Variants in SPHKAP observed in about 807,000 individuals in gnomAD.
SPHKAP encodes A-kinase anchor protein SPHKAP.
In SPHKAP, 67 loss-of-function variants were observed where a neutral mutation model predicts 137.5. The observed-to-expected ratio is 0.49, with a 90% CI of 0.40 to 0.60. The LOEUF (loss-of-function observed/expected upper bound fraction) is 0.60, where lower values mean the gene tolerates loss of function less well. Ranked by LOEUF, SPHKAP falls within the 20% of genes least tolerant of loss-of-function variation. SPHKAP has a pLI of 0.00. For synonymous variants in SPHKAP, 813 were observed against 785.3 expected, an observed-to-expected ratio of 1.04 and a Z score of -0.59; for missense variants, 2,097 against 2,069.3, an observed-to-expected ratio of 1.01 and a Z score of -0.26.
intron 11 of SPHKAP, among the ~76,000 whole-genome samples, chr2:227,987,203 T>C (rs929781960): frequency 3.3e-5 from 5 of 152,210 alleles, no homozygotes; most frequent in Non-Finnish European, 7.3e-5. Flanking sequence ...CTAGAAGGGA[T>C]CTAGCAATCC....
chr2:228,022,554 T>C (rs1168362994), intron 5 of SPHKAP, among the ~76,000 whole-genome samples: 1 of 152,122 alleles, frequency 6.6e-6, no homozygotes, highest in African/African-American at 2.4e-5. Context: ...ATGATTACAT[T>C]TCAAAGAGAC....
intron 3 of SPHKAP, among the ~76,000 whole-genome samples, chr2:228,047,931 T>G (rs968737269): frequency 6.6e-6 from 1 of 152,160 alleles, no homozygotes; most frequent in Non-Finnish European, 1.5e-5. Context: ...TGAGTTAATC[T>G]AGGATTCAAC....
chr2:228,108,862 A>G lies in SPHKAP; in HGVS notation c.216T>C (p.Phe72=). Residue 72 remains phenylalanine (F), a synonymous_variant, in exon 3 of 12, where the codon TTT becomes TTC. Transcript: ENST00000392056. ...QNQRMPCQIG[F]VEDKSENCAS... The stretch of plus-strand genomic sequence containing the variant: ...CACAGTTTTCAGACTTGTCTTCTAC[A>G]AAACCAATTTGGCAGGGCATCCTCT... The G allele has an allele frequency of 1.2e-6, 2 of 1,610,562 alleles. No individual in the cohort carries two copies. Among genetic ancestry groups the G allele is most frequent in the Non-Finnish European group, 1.7e-6 (2 of 1,179,204 alleles).
chr2:227,989,236 A>C (rs983932096), intron 11 of SPHKAP, among the ~76,000 whole-genome samples: 2 of 152,218 alleles, frequency 1.3e-5, no homozygotes, highest in Non-Finnish European at 2.9e-5. Flanking sequence ...TCCTTTTAAA[A>C]TAAAGAACTA....
At chr2:228,006,786 G>A (rs1694157145) in intron 7 of SPHKAP, among the ~76,000 whole-genome samples, 1 of 152,172 alleles carries the variant, frequency 6.6e-6, no homozygotes, top group South Asian at 2.1e-4. Context: ...CAGGTCTGTT[G>A]GAGTTTGCTG....
chr2:228,149,684 A>C (rs1201692794), intron 1 of SPHKAP, among the ~76,000 whole-genome samples: 1 of 151,904 alleles, frequency 6.6e-6, no homozygotes, highest in Non-Finnish European at 1.5e-5. Flanking sequence ...GAAATTTCAC[A>C]TTTATTGATA....
chr2:228,124,378 G>A (rs574817762), intron 2 of SPHKAP, among the ~76,000 whole-genome samples: 3 of 152,068 alleles, frequency 2.0e-5, no homozygotes, highest in Admixed American at 6.6e-5. Flanking sequence ...TGTGGCACAT[G>A]TACACCATGG....
At chr2:228,000,441 ACC>A (rs1693811260) in intron 7 of SPHKAP, among the ~76,000 whole-genome samples, 1 of 152,012 alleles carries the variant, frequency 6.6e-6, no homozygotes, top group Non-Finnish European at 1.5e-5. Context: ...ACATGGTGAA[ACC>A]CCATCTCTAC....
At chr2:228,109,332 G>A (rs1238565830) in intron 2 of SPHKAP, 2 of 976,946 alleles carry the variant, frequency 2.0e-6, no homozygotes, top group Non-Finnish European at 2.4e-6. Flanking sequence ...AACAAAATAT[G>A]GGGTTTTTCA....
chr2:228,161,826 C>G (rs1464671312), intron 1 of SPHKAP, among the ~76,000 whole-genome samples: 4 of 152,192 alleles, frequency 2.6e-5, no homozygotes, highest in African/African-American at 9.7e-5. Flanking sequence ...GTTTTTGCCA[C>G]CTCGGACTCC....
intron 7 of SPHKAP, among the ~76,000 whole-genome samples, chr2:228,007,768 T>C (rs890577338): frequency 7.2e-5 from 11 of 152,152 alleles, no homozygotes; most frequent in African/African-American, 2.4e-4. Context: ...ATATCTATGA[T>C]CAACTGATTT....
intron 3 of SPHKAP, among the ~76,000 whole-genome samples, chr2:228,032,087 C>T (rs1274288311): frequency 6.6e-6 from 1 of 152,094 alleles, no homozygotes; most frequent in Admixed American, 6.6e-5. Context: ...CTACTCCGAA[C>T]TACAGGAGGA....
intron 3 of SPHKAP, among the ~76,000 whole-genome samples, chr2:228,074,989 AGGAG>A (rs1392761051): frequency 2.6e-5 from 4 of 152,186 alleles, no homozygotes; most frequent in African/African-American, 9.6e-5. Flanking sequence ...GAAAAAGAGA[AGGAG>A]GAAGGGGAGG....
intron 3 of SPHKAP, among the ~76,000 whole-genome samples, chr2:228,068,916 A>G (rs938917533): frequency 2.0e-5 from 3 of 152,118 alleles, no homozygotes; most frequent in African/African-American, 7.2e-5. Flanking sequence ...AGGTTTTTCT[A>G]AGTGTTTTCT....
intron 2 of SPHKAP, among the ~76,000 whole-genome samples, chr2:228,129,935 T>C (rs1699198945): frequency 6.6e-6 from 1 of 151,938 alleles, no homozygotes; most frequent in South Asian, 2.1e-4. Flanking sequence ...TAGCTGGGAC[T>C]ACAGGCACCT....
At chr2:228,064,439 T>A (rs1389871289) in intron 3 of SPHKAP, among the ~76,000 whole-genome samples, 1 of 152,230 alleles carries the variant, frequency 6.6e-6, no homozygotes, top group African/African-American at 2.4e-5. Flanking sequence ...TTAGAGTCCA[T>A]AATTTTAAAT....
At chr2:228,081,736 A>G (rs1209826109) in intron 3 of SPHKAP, among the ~76,000 whole-genome samples, 1 of 152,200 alleles carries the variant, frequency 6.6e-6, no homozygotes, top group Admixed American at 6.5e-5. Flanking sequence ...GTAGAGTTTT[A>G]AAACGTTAAA....
rs1474193829 is a variant in SPHKAP, at chr2:228,019,727, T to C, written c.1127A>G (p.Asn376Ser). ...TCCATCTTGTCTAGGAGGGAGAGCG[T>C]TTCTTGTGTCTTCATGGTCTCCTGG... ...LNPGDHEDTR[N>S]ALPPRQDGEV... is the part of the protein sequence containing the mutation. The change falls in exon 7 of 12, where the codon AAC becomes AGC. Residue 376 changes from asparagine (N) to serine (S), a missense_variant. Asn to Ser is a conservative substitution (Grantham distance 46). Transcript: ENST00000392056. The C allele has an allele frequency of 1.2e-5, 20 of 1,614,058 alleles. No homozygotes were observed. Among genetic ancestry groups the C allele is most frequent in the African/African-American group, 5.3e-5 (4 of 74,938 alleles).
chr2:228,019,440 C>T lies in SPHKAP; in HGVS notation c.1414G>A (p.Glu472Lys), dbSNP rs1487343994. Residue 472 changes from glutamate (E) to lysine (K), a missense_variant, in exon 7 of 12, where the codon GAG becomes AAG. Glu to Lys is a moderately conservative substitution (Grantham distance 56, BLOSUM62 1). Transcript: ENST00000392056. The stretch of plus-strand genomic sequence containing the variant: ...GAGGTTTCAACAGAGACTTCCATCT[C>T]AGGCCAGGAGGAGATGCCTGGCTGT... ...APQPGISSWP[E>K]MEVSVETSSI... is the part of the protein sequence containing the mutation. 11 of 1,614,040 alleles carry T rather than the reference C, an allele frequency of 6.8e-6. No individual in the cohort carries two copies. Among genetic ancestry groups the T allele is most frequent in the Admixed American group, 6.7e-5 (4 of 60,004 alleles).
Sources: allele counts gnomAD v4.1 joint callset (sites outside exome capture counted in the v4.1 genomes callset), GRCh38; gene constraint gnomAD v4.1.1; transcripts MANE v1.5; gene names NCBI Gene and HGNC (gene_info 2026-07-23, HGNC 2026-07-21).